The following CCAR2 variants were observed in gnomAD, a reference collection of about 807,000 sequenced individuals.
The protein encoded by CCAR2 is cell cycle and apoptosis regulator 2.
CCAR2 carries 21 observed loss-of-function variants against 108.1 expected under a neutral mutation model. That is an observed-to-expected ratio of 0.19 (90% confidence interval 0.14 to 0.28). The LOEUF (loss-of-function observed/expected upper bound fraction) is 0.28, where lower values mean the gene tolerates loss of function less well. Among genes scored for constraint, CCAR2 ranks in the 10% least tolerant of loss-of-function variants. The probability of loss-of-function intolerance (pLI) is 1.00; values close to 1 mark genes in which losing one functional copy is unlikely to be tolerated. For synonymous variants in CCAR2, 577 were observed against 472.8 expected (o/e 1.22, Z -2.86); for missense variants, 1,126 against 1,177.0 (o/e 0.96, Z 0.63).
chr8:22,605,209 A>AT, intron 1 of CCAR2: 1 of 183,352 alleles, frequency 5.5e-6, no homozygotes, highest in Non-Finnish European at 1.2e-5. Flanking sequence ...TCGAGGAAAC[A>AT]ACGGGTCGGG....
intron 6 of CCAR2, among the ~76,000 whole-genome samples, 155 bp from the exon 7 acceptor site, chr8:22,607,814 C>T (rs556635695): frequency 1.2e-4 from 18 of 152,222 alleles, no homozygotes; most frequent in Non-Finnish European, 2.1e-4. Context: ...TTAGTGGAGA[C>T]GGGGTTTCAC....
rs770662462 is a variant in CCAR2 at position 22,614,542 on chromosome 8, A to C, written c.1041+39A>C. On this transcript the variant is annotated intron_variant, in intron 10 of 20. Transcript: ENST00000308511. The stretch of plus-strand genomic sequence containing the variant: ...AGCAGGAGGAGATGCATTCACGGGT[A>C]ATGTGCACAACCTGTCATGTTTTGA... 6 of 1,534,336 alleles carry C rather than the reference A, an allele frequency of 3.9e-6. No individual in the cohort carries two copies. In the African/African-American group the frequency reaches 4.1e-5, roughly 10 times the overall value.
At chr8:22,619,413 C>T (rs1174705749) in intron 20 of CCAR2, 58 bp downstream of exon 20, 8 of 1,530,044 alleles carry the variant, frequency 5.2e-6, no homozygotes, top group Non-Finnish European at 6.2e-6. Flanking sequence ...TCCAAAAGTC[C>T]CCAGAAGGGC....
intron 7 of CCAR2, among the ~76,000 whole-genome samples, chr8:22,611,388 A>ATATGTGTG (rs1554559973): frequency 4.0e-4 from 51 of 128,488 alleles, no homozygotes; most frequent in Admixed American, 1.8e-3. Context: ...AAGTATATAT[A>ATATGTGTG]TGTGTGTGTG....
Position 22,619,290 on chromosome 8 carries a change from C to T in CCAR2, c.2662C>T (p.Leu888=). The T allele has an allele frequency of 6.4e-7, 1 of 1,564,788 alleles. No individual in the cohort carries two copies. Among genetic ancestry groups the T allele is most frequent in the South Asian group, 1.2e-5 (1 of 85,316 alleles). The change falls in exon 20 of 21, where the codon CTG becomes TTG. Residue 888 remains leucine, a synonymous_variant. Coordinates refer to ENST00000308511, the MANE Select transcript of CCAR2 (RefSeq NM_001393997.1). Reference sequence around the variant, plus strand: ...GCGACAGAAGAGCCAGCTCCAGCGGCTGCTGCAGGAGCTCCGCAGGCGTCT... The same window carrying T: ...GCGACAGAAGAGCCAGCTCCAGCGGTTGCTGCAGGAGCTCCGCAGGCGTCT... The part of the protein sequence containing the change: ...AERQKSQLQR[L]LQELRRRLTP...
intron 11 of CCAR2, 53 bp from the exon 12 acceptor site, chr8:22,615,372 G>A: frequency 6.3e-7 from 1 of 1,576,886 alleles, no homozygotes. Context: ...TGAACGTGGT[G>A]TCTGCGTGGA....
rs1801497839 is a variant in CCAR2, at chr8:22,616,138, G to A, written c.1735G>A (p.Ala579Thr). 6.2e-7 allele frequency: 1 copy of A among 1,613,696 alleles called. No individual in the cohort carries two copies. Among genetic ancestry groups the A allele is most frequent in the South Asian group, 1.1e-5 (1 of 91,090 alleles). Residue 579 changes from alanine (A) to threonine (T), a missense_variant, in exon 14 of 21, where the codon GCC becomes ACC. Physicochemically the swap from Ala to Thr is moderately conservative, Grantham distance 58. Coordinates refer to ENST00000308511, the MANE Select transcript of CCAR2 (RefSeq NM_001393997.1). ...ACCTGAACCTGAGAAGGAGGAGGCG[G>A]CCAAGGAAGAAGCCACCAAGGAGGA... Reference protein sequence around the residue: ...SPPEPEKEEAAKEEATKEEEA... With the variant: ...SPPEPEKEEATKEEATKEEEA...
At chr8:22,621,094 C>G (rs1801784169), downstream of CCAR2, 4 of 284,458 alleles carry the variant, frequency 1.4e-5, no homozygotes, top group East Asian at 3.2e-4. Flanking sequence ...AGGCTAAGAC[C>G]CCCAACTTAG....
chr8:22,606,303 T>C, intron 3 of CCAR2, 127 bp downstream of exon 3: 1 of 861,812 alleles, frequency 1.2e-6, no homozygotes. Flanking sequence ...TGGGCTAGTA[T>C]GGGGTTGCCC....
At chr8:22,611,188 C>G (rs963849058) in intron 7 of CCAR2, among the ~76,000 whole-genome samples, 2 of 151,712 alleles carry the variant, frequency 1.3e-5, no homozygotes, top group Non-Finnish European at 2.9e-5. Flanking sequence ...TGGTGAAACC[C>G]TGACTCTACT....
At chr8:22,609,662 AGT>A (rs1190925662) in intron 7 of CCAR2, among the ~76,000 whole-genome samples, 4 of 152,156 alleles carry the variant, frequency 2.6e-5, no homozygotes, top group Admixed American at 1.3e-4. Context: ...TCCCTTTCAC[AGT>A]GTGTGAGTTT....
At chr8:22,610,290 G>A (rs909608289) in intron 7 of CCAR2, among the ~76,000 whole-genome samples, 1 of 152,140 alleles carries the variant, frequency 6.6e-6, no homozygotes, top group Non-Finnish European at 1.5e-5. Context: ...TTAATGTTTT[G>A]CATGGAAGCC....
chr8:22,604,980 C>A (rs536188377), intron 1 of CCAR2, 138 bp downstream of exon 1: 1 of 317,984 alleles, frequency 3.1e-6, no homozygotes, highest in Non-Finnish European at 6.1e-6. Flanking sequence ...CTGCAAGTCC[C>A]GTCTCCCTGG....
rs1586945502 is a variant in CCAR2, at chr8:22,606,501, G to A, written c.151-106G>A. On this transcript the variant is annotated intron_variant, in intron 3 of 20. Coordinates refer to ENST00000308511, the MANE Select transcript of CCAR2 (RefSeq NM_001393997.1). ...ACTTCACTCTGTGCGAACTCTTGAT[G>A]CAGTACGCTGAGCTGGGGCGTGGGT... is the stretch of plus-strand genomic sequence containing the variant. 10 of 851,124 alleles carry A rather than the reference G, an allele frequency of 1.2e-5. No homozygotes were observed. In the East Asian group the frequency reaches 2.6e-4, roughly 22 times the overall value. 52.7% of individuals were successfully genotyped at this position (851,124 alleles called of 1,614,324 possible). A position where few individuals can be genotyped will look rare whatever the true frequency, so the allele number is the denominator to read the frequency against.
rs202153010 is a variant in CCAR2, at chr8:22,606,916, G to T, written c.249G>T (p.Val83=). ...DEEVFFQLSV[V]KGRLPQLGEK... is the part of the protein sequence containing the mutation. Reference sequence around the variant, plus strand: ...CTGGCTTGTGTGCTGACAGTGTGGTGAAGGGCCGTCTGCCCCAGCTGGGTG... The same window carrying T: ...CTGGCTTGTGTGCTGACAGTGTGGTTAAGGGCCGTCTGCCCCAGCTGGGTG... Residue 83 remains valine, a synonymous_variant, in exon 5 of 21, where the codon GTG becomes GTT. Transcript: ENST00000308511. 6.2e-7 allele frequency: 1 copy of T among 1,614,098 alleles called. No individual in the cohort carries two copies. The highest frequency in any genetic ancestry group is 8.5e-7 in the Non-Finnish European group (1 of 1,180,016).
At chr8:22,606,032 C>A in intron 2 of CCAR2, 53 bp from the exon 3 acceptor site, 1 of 1,506,538 alleles carries the variant, frequency 6.6e-7, no homozygotes, top group Non-Finnish European at 9.2e-7. Context: ...TTGGTTGACT[C>A]GTGCTTAAGG....
At chr8:22,613,931 A>G (rs1266297824) in intron 8 of CCAR2, 161 bp from the exon 9 acceptor site, 1 of 616,230 alleles carries the variant, frequency 1.6e-6, no homozygotes, top group Non-Finnish European at 2.8e-6. Flanking sequence ...TAGAGTTTGT[A>G]AATTAAGTGG....
At chr8:22,614,791 C>T (rs1801432280) in intron 10 of CCAR2, 47 bp from the exon 11 acceptor site, 2 of 1,314,372 alleles carry the variant, frequency 1.5e-6, no homozygotes, top group African/African-American at 1.6e-5. Flanking sequence ...AGTGGGAGAC[C>T]CAGGTAATGT....
intron 8 of CCAR2, among the ~76,000 whole-genome samples, chr8:22,613,355 CTT>C (rs5890057): frequency 0.016 from 2,024 of 125,730 alleles, 31 homozygotes; most frequent in African/African-American, 0.052. Flanking sequence ...AGATCTAGTT[CTT>C]TTTTTTTTTT....
Sources: gnomAD v4.1 joint callset for allele counts (sites outside exome capture counted in the v4.1 genomes callset) on GRCh38, gnomAD v4.1.1 for gene constraint, MANE v1.5 for transcripts, NCBI Gene and HGNC (gene_info 2026-07-23, HGNC 2026-07-21) for gene names.